Variants in MAN1A1 observed in about 807,000 individuals in gnomAD.
The protein encoded by MAN1A1 is mannosidase alpha class 1A member 1.
Under a neutral mutation model 70.8 loss-of-function variants are expected in MAN1A1, and 29 were observed. The ratio of observed to expected loss-of-function variants is 0.41; its 90% CI spans 0.31 to 0.56. MAN1A1 has a LOEUF of 0.56. Among genes scored for constraint, MAN1A1 ranks in the 20% least tolerant of loss-of-function variants. The pLI is 0.29. For synonymous variants in MAN1A1, 349 were observed against 330.1 expected (o/e 1.06, Z -0.62); for missense variants, 747 against 841.3 (o/e 0.89, Z 1.39).
intron 2 of MAN1A1, among the ~76,000 whole-genome samples, chr6:119,333,067 A>C (rs530256498): frequency 6.6e-6 from 1 of 152,260 alleles, no homozygotes; most frequent in South Asian, 2.1e-4. Flanking sequence ...ATTACCTTCA[A>C]ATCAGCCCCT....
At chr6:119,211,568 T>C (rs1774051254) in intron 6 of MAN1A1, among the ~76,000 whole-genome samples, 1 of 152,224 alleles carries the variant, frequency 6.6e-6, no homozygotes, top group Non-Finnish European at 1.5e-5. Flanking sequence ...CCATATTTAG[T>C]GTCACCACAT....
Position 119,205,324 on chromosome 6 carries a change from G to A in MAN1A1, c.993-442C>T, listed in dbSNP as rs114095773. ...TATACAAAATTTTATGTGGATAGAA[G>A]ATAAATTTCAAAGATTCACTAATTA... On this transcript the variant is annotated intron_variant, in intron 6 of 12. Coordinates refer to ENST00000368468, the MANE Select transcript of MAN1A1 (RefSeq NM_005907.4). 7.8e-3 allele frequency among the ~76,000 whole-genome samples: 1,189 copies of A among 152,244 alleles called. 24 individuals are homozygous for A. The highest frequency in any genetic ancestry group is 0.027 in the African/African-American group (1,127 of 41,544).
intron 6 of MAN1A1, 79 bp downstream of exon 6, chr6:119,248,181 T>A: frequency 2.2e-6 from 2 of 903,342 alleles, no homozygotes; most frequent in Non-Finnish European, 1.8e-6. Flanking sequence ...TAAGTAATTA[T>A]CTATCTAATG....
Position 119,189,999 on chromosome 6 carries a change from T to C in MAN1A1, c.1327-116A>G, listed in dbSNP as rs994429071. 9 of 818,430 alleles carry C rather than the reference T, an allele frequency of 1.1e-5. No homozygotes were observed. In the African/African-American group the frequency reaches 1.2e-4, roughly 11 times the overall value. The allele number at this position is 818,430 out of a possible 1,614,324, so 50.7% of individuals were successfully genotyped here. ...TACACCTGACAATCAGAGTTTGGTG[T>C]TAAAAATCCATTCAACCTGAAATTA... On this transcript the variant is annotated intron_variant, in intron 9 of 12. Transcript: ENST00000368468.
intron 2 of MAN1A1, among the ~76,000 whole-genome samples, chr6:119,315,804 G>T (rs979283129): frequency 3.3e-5 from 5 of 152,278 alleles, no homozygotes; most frequent in East Asian, 1.9e-4. Flanking sequence ...TCAGCTTAGG[G>T]TCTACCATTT....
At position 119,179,800 on chromosome 6, in the gene MAN1A1, TA is replaced by T; in HGVS notation, c.*18del. On this transcript the variant is annotated 3_prime_UTR_variant, in exon 13 of 13. Coordinates refer to ENST00000368468, the MANE Select transcript of MAN1A1 (RefSeq NM_005907.4). ...ATACAGTGAAGGGAATGGAGCAGAA[TA>T]AAATATAAAATGTCTTTTTATTCCT... 1 of 1,605,104 alleles carries T rather than the reference TA, an allele frequency of 6.2e-7. No homozygotes were observed. Among genetic ancestry groups the T allele is most frequent in the Non-Finnish European group, 8.5e-7 (1 of 1,172,474 alleles).
intron 5 of MAN1A1, among the ~76,000 whole-genome samples, chr6:119,284,527 CTATT>C (rs1776308848): frequency 6.6e-6 from 1 of 152,128 alleles, no homozygotes; most frequent in Non-Finnish European, 1.5e-5. Context: ...ATTTTGCAAT[CTATT>C]TATATTCTTA....
chr6:119,221,131 A>G (rs1774348816), intron 6 of MAN1A1, among the ~76,000 whole-genome samples: 1 of 152,302 alleles, frequency 6.6e-6, no homozygotes, highest in Non-Finnish European at 1.5e-5. Context: ...AAAATTTCTG[A>G]GCATAAAATA....
At chr6:119,292,446 C>G (rs1772064601) in intron 4 of MAN1A1, among the ~76,000 whole-genome samples, 1 of 151,978 alleles carries the variant, frequency 6.6e-6, no homozygotes. Context: ...GTGCCAGACC[C>G]TGTCCTAGGT....
chr6:119,250,064 G>C (rs1478165583), intron 5 of MAN1A1, among the ~76,000 whole-genome samples: 2 of 152,048 alleles, frequency 1.3e-5, no homozygotes, highest in African/African-American at 2.4e-5. Context: ...TCAATAACTT[G>C]TAGTGTATGG....
At chr6:119,277,514 A>G (rs1409349836) in intron 5 of MAN1A1, among the ~76,000 whole-genome samples, 1 of 152,192 alleles carries the variant, frequency 6.6e-6, no homozygotes, top group African/African-American at 2.4e-5. Flanking sequence ...TACATTAGGT[A>G]AGACTTAATT....
intron 5 of MAN1A1, 99 bp downstream of exon 5, chr6:119,290,584 T>C (rs1024088906): frequency 2.6e-6 from 2 of 768,550 alleles, no homozygotes; most frequent in Non-Finnish European, 4.3e-6. Flanking sequence ...AAAAATTCCA[T>C]AGATTCCTTC....
intron 2 of MAN1A1, among the ~76,000 whole-genome samples, chr6:119,313,513 G>A (rs1772768501): frequency 6.6e-6 from 1 of 152,070 alleles, no homozygotes; most frequent in Non-Finnish European, 1.5e-5. Flanking sequence ...GGCTGTCAAG[G>A]TGTTCTATTT....
intron 4 of MAN1A1, among the ~76,000 whole-genome samples, chr6:119,299,021 C>CT (rs150612067): frequency 0.013 from 1,847 of 147,102 alleles, 40 homozygotes; most frequent in African/African-American, 0.044. Flanking sequence ...TATAATTTTT[C>CT]TTTTTTTTTT....
intron 5 of MAN1A1, among the ~76,000 whole-genome samples, chr6:119,279,688 T>G (rs1206513687): frequency 6.6e-6 from 1 of 152,220 alleles, no homozygotes; most frequent in Non-Finnish European, 1.5e-5. Flanking sequence ...CCACCAAGTC[T>G]AATAAGTTAC....
chr6:119,219,355 T>C (rs1030700461), intron 6 of MAN1A1, among the ~76,000 whole-genome samples: 3 of 152,172 alleles, frequency 2.0e-5, no homozygotes, highest in Non-Finnish European at 4.4e-5. Context: ...GCAGCATTTA[T>C]GCACTTACAG....
At chr6:119,251,622 G>C (rs185435949) in intron 5 of MAN1A1, among the ~76,000 whole-genome samples, 2 of 152,242 alleles carry the variant, frequency 1.3e-5, no homozygotes, top group Admixed American at 6.5e-5. Flanking sequence ...GATACAGAAG[G>C]CAAGAGAGAG....
intron 5 of MAN1A1, among the ~76,000 whole-genome samples, chr6:119,283,750 C>G (rs900811621): frequency 6.6e-6 from 1 of 151,810 alleles, no homozygotes; most frequent in Non-Finnish European, 1.5e-5. Flanking sequence ...TCCATGAGGA[C>G]TGTTATGAAG....
At chr6:119,311,875 C>A (rs949064085) in intron 2 of MAN1A1, among the ~76,000 whole-genome samples, 1 of 152,084 alleles carries the variant, frequency 6.6e-6, no homozygotes, top group South Asian at 2.1e-4. Flanking sequence ...TTTCACAGAA[C>A]GTGTAAGGCA....
Sources: allele counts gnomAD v4.1 joint callset (sites outside exome capture counted in the v4.1 genomes callset), GRCh38; gene constraint gnomAD v4.1.1; transcripts MANE v1.5; gene names NCBI Gene and HGNC (gene_info 2026-07-23, HGNC 2026-07-21).